Variants in SIM1 observed in about 807,000 individuals in gnomAD.
The protein encoded by SIM1 is single-minded homolog 1.
A neutral mutation model predicts 78.2 loss-of-function variants in SIM1; 18 were observed. The observed-to-expected ratio is 0.23, with a 90% CI of 0.16 to 0.34. SIM1 has a LOEUF of 0.34. Ranked by LOEUF, SIM1 falls within the 10% of genes least tolerant of loss-of-function variation. SIM1 has a pLI of 1.00. For synonymous variants in SIM1, 417 were observed against 385.2 expected (o/e 1.08, Z -0.97); for missense variants, 939 against 975.1 (o/e 0.96, Z 0.49).
intron 10 of SIM1, among the ~76,000 whole-genome samples, chr6:100,409,152 G>A (rs1345389582): frequency 1.3e-5 from 2 of 151,916 alleles, no homozygotes; most frequent in African/African-American, 2.4e-5. Flanking sequence ...TGTGCACAAC[G>A]TGCAGGTTAG....
chr6:100,428,578 C>T (rs1771797753), intron 9 of SIM1, among the ~76,000 whole-genome samples: 1 of 151,456 alleles, frequency 6.6e-6, no homozygotes. Context: ...AATGGACATG[C>T]TTATATACTA....
chr6:100,438,184 T>C (rs1321867525), intron 9 of SIM1, among the ~76,000 whole-genome samples: 2 of 151,990 alleles, frequency 1.3e-5, no homozygotes, highest in Non-Finnish European at 2.9e-5. Context: ...AACACACAGA[T>C]TGGAAGAAAA....
intron 9 of SIM1, among the ~76,000 whole-genome samples, chr6:100,440,382 G>A (rs1772177378): frequency 6.6e-6 from 1 of 152,160 alleles, no homozygotes; most frequent in African/African-American, 2.4e-5. Flanking sequence ...AAATGATACT[G>A]TGGGTCTTTA....
At chr6:100,455,545 G>A (rs1562258324) in intron 2 of SIM1, among the ~76,000 whole-genome samples, 2 of 152,206 alleles carry the variant, frequency 1.3e-5, no homozygotes, top group Non-Finnish European at 1.5e-5. Flanking sequence ...TACCCACTCA[G>A]AAGGAGTGAC....
intron 9 of SIM1, among the ~76,000 whole-genome samples, chr6:100,438,799 T>A (rs1772128181): frequency 6.6e-6 from 1 of 152,162 alleles, no homozygotes; most frequent in South Asian, 2.1e-4. Context: ...AACAAAATAA[T>A]GTCTTTTGCA....
chr6:100,430,075 G>GA (rs966341235), intron 9 of SIM1, among the ~76,000 whole-genome samples: 7 of 149,882 alleles, frequency 4.7e-5, no homozygotes, highest in African/African-American at 9.8e-5. Flanking sequence ...TACCATAATT[G>GA]AAAAAAAAAG....
intron 10 of SIM1, among the ~76,000 whole-genome samples, chr6:100,399,488 A>T (rs1306540950): frequency 6.6e-6 from 1 of 152,012 alleles, no homozygotes; most frequent in Non-Finnish European, 1.5e-5. Context: ...AACATGAGAG[A>T]TCCTTGTGGT....
intron 2 of SIM1, among the ~76,000 whole-genome samples, chr6:100,457,151 G>T (rs140214304): frequency 2.6e-5 from 4 of 152,290 alleles, no homozygotes; most frequent in Admixed American, 2.0e-4. Context: ...TTACAGACCC[G>T]ACATCATCAC....
At position 100,412,608 on chromosome 6, in the gene SIM1, A is replaced by AAAGAAAGG. The variant is rs1771239322; in HGVS notation, c.1167+8181_1167+8182insCCTTTCTT. ...GAAAGAAAGAAAGAAAGAAAGAAAG[A>AAAGAAAGG]AAGGAAAGAAAGAAGGAAAGAAAGA... On this transcript the variant is annotated intron_variant, in intron 10 of 11. Transcript: ENST00000369208. Among the ~76,000 whole-genome samples, 11 of 104,648 alleles carry AAAGAAAGG rather than the reference A, an allele frequency of 1.1e-4. 1 individual carries two copies. The highest frequency in any genetic ancestry group is 1.0e-3 in the East Asian group (2 of 1,956). The allele number at this position is 104,648 out of a possible 152,430, so 68.7% of individuals were successfully genotyped here.
intron 3 of SIM1, 112 bp from the exon 4 acceptor site, chr6:100,450,468 G>GAGC (rs1772479551): frequency 1.1e-6 from 1 of 891,196 alleles, no homozygotes; most frequent in Non-Finnish European, 1.8e-6. Flanking sequence ...AGATGGAGTG[G>GAGC]AGCAGGTTTG....
intron 9 of SIM1, among the ~76,000 whole-genome samples, chr6:100,445,723 A>G (rs1430812027): frequency 6.6e-6 from 1 of 152,192 alleles, no homozygotes; most frequent in Non-Finnish European, 1.5e-5. Context: ...CACCCACCAG[A>G]GAACAGAGTG....
chr6:100,414,502 C>T (rs968740089), intron 10 of SIM1, among the ~76,000 whole-genome samples: 1 of 152,312 alleles, frequency 6.6e-6, no homozygotes, highest in East Asian at 1.9e-4. Flanking sequence ...AAGGTCTACT[C>T]TAATAATCTC....
intron 9 of SIM1, among the ~76,000 whole-genome samples, chr6:100,424,122 T>A (rs985140525): frequency 7.9e-6 from 1 of 126,864 alleles, no homozygotes; most frequent in Non-Finnish European, 1.6e-5. Flanking sequence ...TTACCAAAAT[T>A]TTTACATGGC....
chr6:100,453,696 C>T lies in SIM1; in HGVS notation c.258+66G>A, dbSNP rs1772572494. 3.5e-6 allele frequency: 4 copies of T among 1,148,904 alleles called. No individual in the cohort carries two copies. The East Asian group carries it at 1.1e-4, about 31-fold the overall frequency. 71.2% of individuals were successfully genotyped at this position (1,148,904 alleles called of 1,614,324 possible). A position where few individuals can be genotyped will look rare whatever the true frequency, so the allele number is the denominator to read the frequency against. On this transcript the variant is annotated intron_variant, in intron 3 of 11. Coordinates refer to ENST00000369208, the MANE Select transcript of SIM1 (RefSeq NM_005068.3). ...TTTTTGTTTTCTGAGAAACTAAAAG[C>T]TCAACTCAGGGCCAGGCACTCAGAC...
chr6:100,441,465 C>A (rs1322103235), intron 9 of SIM1, among the ~76,000 whole-genome samples: 2 of 152,228 alleles, frequency 1.3e-5, no homozygotes, highest in Non-Finnish European at 2.9e-5. Context: ...AAGAAATACA[C>A]CCCTGCCACA....
chr6:100,462,241 T>C (rs1333652639), intron 2 of SIM1, among the ~76,000 whole-genome samples: 2 of 152,184 alleles, frequency 1.3e-5, no homozygotes, highest in Non-Finnish European at 2.9e-5. Flanking sequence ...CATTTGTAAA[T>C]AAACACAATT....
rs114737052 is a variant in SIM1 at position 100,461,783 on chromosome 6, A to C, written c.175+1511T>G. ...ATTCATAGCACAGTTTGAACGGGAA[A>C]TGTGGTTTTTAGTATATAAGTTCCC... On this transcript the variant is annotated intron_variant, in intron 2 of 11. Transcript: ENST00000369208. Among the ~76,000 whole-genome samples the C allele has an allele frequency of 5.8e-3, 882 of 151,868 alleles. 6 individuals are homozygous for C. The highest frequency in any genetic ancestry group is 0.02 in the African/African-American group (815 of 41,396).
intron 10 of SIM1, among the ~76,000 whole-genome samples, chr6:100,412,616 G>GAA (rs1562239678): frequency 2.2e-5 from 2 of 91,826 alleles, no homozygotes; most frequent in African/African-American, 7.7e-5. Context: ...AGAAAGGAAA[G>GAA]AAAGAAGGAA....
At chr6:100,458,162 G>A (rs1772737755) in intron 2 of SIM1, among the ~76,000 whole-genome samples, 1 of 152,046 alleles carries the variant, frequency 6.6e-6, no homozygotes, top group Admixed American at 6.5e-5. Flanking sequence ...AGCCAGCCGC[G>A]AAAAGACGGC....
Sources: allele counts gnomAD v4.1 joint callset (sites outside exome capture counted in the v4.1 genomes callset), GRCh38; gene constraint gnomAD v4.1.1; transcripts MANE v1.5; gene names NCBI Gene and HGNC (gene_info 2026-07-23, HGNC 2026-07-21).